CATSPER3: variants seen among roughly 807,000 people sequenced by gnomAD.
The protein encoded by CATSPER3 is cation channel sperm associated 3, also known as cation channel sperm-associated protein 3.
Under a neutral mutation model 36.6 loss-of-function variants are expected in CATSPER3, and 23 were observed. That is an observed-to-expected ratio of 0.63 (90% CI 0.45 to 0.89). The LOEUF is 0.89. CATSPER3 is among the 40% of genes least tolerant of loss of function. CATSPER3 has a pLI of 0.00. For synonymous variants in CATSPER3, 172 were observed against 184.1 expected (o/e 0.93, Z 0.53); for missense variants, 474 against 503.9 (o/e 0.94, Z 0.57).
chr5:135,002,323 G>A (rs1281678071), intron 3 of CATSPER3, among the ~76,000 whole-genome samples: 23 of 152,262 alleles, frequency 1.5e-4, no homozygotes, highest in African/African-American at 4.3e-4. Context: ...AATTTCTGCC[G>A]AGAGATCAGC....
In CATSPER3 at chr5:134,996,284, C is replaced by A. The variant is rs754788733; in HGVS notation, c.264C>A (p.Ile88=). Residue 88 remains isoleucine, a synonymous_variant, in exon 3 of 8, where the codon ATC becomes ATA. Coordinates refer to ENST00000282611, the MANE Select transcript of CATSPER3 (RefSeq NM_178019.3). ...TGCTACCCCTGTAGTTCTCGGAGAT[C>A]TTCTTTGTGTCCATCTGCACATCTG... ...RLFRLLEFSE[I]FFVSICTSEL... 3.1e-6 allele frequency: 5 copies of A among 1,614,132 alleles called. No homozygotes were observed. Among genetic ancestry groups the A allele is most frequent in the Non-Finnish European group, 4.2e-6 (5 of 1,180,060 alleles).
At chr5:134,977,827 A>C (rs968269397) in intron 2 of CATSPER3, among the ~76,000 whole-genome samples, 2 of 152,222 alleles carry the variant, frequency 1.3e-5, no homozygotes, top group African/African-American at 4.8e-5. Flanking sequence ...TGGTGCCAGC[A>C]TCTGCTTTTG....
intron 3 of CATSPER3, among the ~76,000 whole-genome samples, chr5:135,006,904 A>G (rs1213359870): frequency 1.3e-5 from 2 of 151,848 alleles, no homozygotes; most frequent in East Asian, 1.9e-4. Flanking sequence ...ATCCAAAAAC[A>G]TTTATTTTCT....
In CATSPER3 at chr5:135,009,483, A is replaced by G; in HGVS notation, c.929A>G (p.His310Arg). The stretch of plus-strand genomic sequence containing the variant: ...CAGGAGGAGATCAGCAGGCTGATGC[A>G]CATACAGGTGAGTGGCCCCTGCAGG... ...RQQEEISRLMHIQKNADCTSF... is the reference protein window; with the variant it reads ...RQQEEISRLMRIQKNADCTSF... Residue 310 changes from histidine (H) to arginine (R), a missense_variant, in exon 6 of 8, where the codon CAC becomes CGC. Physicochemically the swap from His to Arg is conservative, Grantham distance 29. Coordinates refer to ENST00000282611, the MANE Select transcript of CATSPER3 (RefSeq NM_178019.3). 1 of 1,471,676 alleles carries G rather than the reference A, an allele frequency of 6.8e-7. No individual in the cohort carries two copies. Among genetic ancestry groups the G allele is most frequent in the Non-Finnish European group, 9.0e-7 (1 of 1,109,218 alleles). The allele number at this position is 1,471,676 out of a possible 1,614,324, so 91.2% of individuals were successfully genotyped here. A position where few individuals can be genotyped will look rare whatever the true frequency, so the allele number is the denominator to read the frequency against.
chr5:135,008,732 G>A, intron 4 of CATSPER3, 109 bp from the exon 5 acceptor site: 1 of 911,494 alleles, frequency 1.1e-6, no homozygotes, highest in Non-Finnish European at 1.8e-6. Context: ...TGACGTGGAA[G>A]CGGAGCCACC....
intron 3 of CATSPER3, among the ~76,000 whole-genome samples, chr5:134,996,981 G>A (rs780416774): frequency 4.6e-5 from 7 of 152,220 alleles, no homozygotes; most frequent in Non-Finnish European, 8.8e-5. Flanking sequence ...GGCTCTGGAA[G>A]GGCTACTCCT....
At chr5:135,007,923 T>C (rs1241709126) in intron 3 of CATSPER3, 34 bp from the exon 4 acceptor site, 1 of 1,598,660 alleles carries the variant, frequency 6.3e-7, no homozygotes, top group African/African-American at 1.3e-5. Context: ...AGCTTGGTGG[T>C]ACCCTCGCCT....
At chr5:134,968,226 T>A (rs1751557959) in intron 1 of CATSPER3, 137 bp downstream of exon 1, 1 of 698,624 alleles carries the variant, frequency 1.4e-6, no homozygotes, top group Non-Finnish European at 2.6e-6. Context: ...CTTGACAATC[T>A]GGTTTCTATG....
At chr5:134,979,791 T>C (rs1751725568) in intron 2 of CATSPER3, among the ~76,000 whole-genome samples, 1 of 152,218 alleles carries the variant, frequency 6.6e-6, no homozygotes, top group African/African-American at 2.4e-5. Context: ...ATTTCACCTT[T>C]AGCTGATCTT....
At chr5:134,983,499 A>G (rs1187923445) in intron 2 of CATSPER3, among the ~76,000 whole-genome samples, 2 of 152,204 alleles carry the variant, frequency 1.3e-5, no homozygotes, top group Non-Finnish European at 2.9e-5. Context: ...GCACCACTAC[A>G]CTGCAATCTG....
At chr5:134,973,144 T>G (rs1751626633) in intron 2 of CATSPER3, among the ~76,000 whole-genome samples, 1 of 152,190 alleles carries the variant, frequency 6.6e-6, no homozygotes, top group Non-Finnish European at 1.5e-5. Flanking sequence ...AAGAATAGGT[T>G]TCAGCCAACC....
chr5:134,984,149 GACTT>G (rs1196794964), intron 2 of CATSPER3, among the ~76,000 whole-genome samples: 15 of 152,248 alleles, frequency 9.9e-5, no homozygotes, highest in African/African-American at 2.4e-4. Flanking sequence ...ATGGAATAAA[GACTT>G]ACATCTAACA....
At chr5:134,992,122 GAAA>G (rs570177877) in intron 2 of CATSPER3, among the ~76,000 whole-genome samples, 1 of 123,608 alleles carries the variant, frequency 8.1e-6, no homozygotes, top group African/African-American at 3.0e-5. Context: ...ACCCTGTTTT[GAAA>G]AAAAAAAAAA....
chr5:134,983,408 G>T (rs564958515), intron 2 of CATSPER3, among the ~76,000 whole-genome samples: 1 of 152,012 alleles, frequency 6.6e-6, no homozygotes, highest in African/African-American at 2.4e-5. Flanking sequence ...GGTGGTGCAC[G>T]CCTGTAGTCC....
In CATSPER3 at chr5:134,991,630, G is replaced by A. The variant is rs144514857; in HGVS notation, c.253-4643G>A. Among the ~76,000 whole-genome samples the A allele has an allele frequency of 2.4e-4, 37 of 152,178 alleles. No individual in the cohort carries two copies. The South Asian group carries it at 3.3e-3, about 14-fold the overall frequency. On this transcript the variant is annotated intron_variant, in intron 2 of 7. Coordinates refer to ENST00000282611, the MANE Select transcript of CATSPER3 (RefSeq NM_178019.3). ...TGAAGTTTGACACCTACCTCACACC[G>A]TGCACAAAAACAAACTCAAAATGAA...
chr5:135,006,846 A>AT (rs1469678171), intron 3 of CATSPER3, among the ~76,000 whole-genome samples: 90 of 110,788 alleles, frequency 8.1e-4, no homozygotes, highest in African/African-American at 2.4e-3. Flanking sequence ...GAAAAAAAAA[A>AT]AAAATAATAA....
intron 2 of CATSPER3, among the ~76,000 whole-genome samples, chr5:134,983,795 C>A (rs1021920547): frequency 2.6e-5 from 4 of 152,112 alleles, no homozygotes; most frequent in Admixed American, 6.6e-5. Context: ...TTAGACCATA[C>A]AACAAATCTC....
chr5:135,011,564 A>G lies in CATSPER3; in HGVS notation c.1138A>G (p.Met380Val), dbSNP rs772918730. ...TGAGATCGTGCATGTGCTGAGCCTAATGCTGGAAGACTTGCCCCAGGAGAA... is the reference window on the plus strand; with the variant it reads ...TGAGATCGTGCATGTGCTGAGCCTAGTGCTGGAAGACTTGCCCCAGGAGAA... ...YYEIVHVLSL[M>V]LEDLPQEKPQ... Residue 380 changes from methionine (M) to valine (V), a missense_variant, in exon 8 of 8, where the codon ATG becomes GTG. Transcript: ENST00000282611. 6.2e-7 allele frequency: 1 copy of G among 1,614,164 alleles called. No individual in the cohort carries two copies. Among genetic ancestry groups the G allele is most frequent in the Non-Finnish European group, 8.5e-7 (1 of 1,180,014 alleles).
rs577618331 is a variant in CATSPER3 at position 134,968,342 on chromosome 5, T to C, written c.98+253T>C. 4.0e-4 allele frequency: 185 copies of C among 462,824 alleles called. 1 individual carries two copies. The highest frequency in any genetic ancestry group is 7.9e-6 in the Non-Finnish European group (2 of 251,894). The allele number at this position is 462,824 out of a possible 1,614,324, so 28.7% of individuals were successfully genotyped here. On this transcript the variant is annotated intron_variant, in intron 1 of 7. Transcript: ENST00000282611. ...ATCTGAAGGCTTTTCTCTTTTTTTA[T>C]AATAGACCCCATCTCAAATCAGATA...
Sources: gnomAD v4.1 joint callset for allele counts (sites outside exome capture counted in the v4.1 genomes callset) on GRCh38, gnomAD v4.1.1 for gene constraint, MANE v1.5 for transcripts, NCBI Gene and HGNC (gene_info 2026-07-23, HGNC 2026-07-21) for gene names.